Variants in RGS13 observed in about 807,000 individuals in gnomAD.
RGS13 encodes regulator of G protein signaling 13, also known as regulator of G-protein signalling 13.
A neutral mutation model predicts 19.9 loss-of-function variants in RGS13; 14 were observed. The ratio of observed to expected loss-of-function variants is 0.70; its 90% confidence interval spans 0.46 to 1.10. RGS13 has a LOEUF of 1.10. Among genes scored for constraint, RGS13 ranks in the 50% least tolerant of loss-of-function variants. The pLI, the probability that RGS13 is intolerant of heterozygous loss-of-function variation, is 0.00. For missense variants in RGS13, 205 were observed against 187.1 expected, an observed-to-expected ratio of 1.10 and a Z score of -0.56; for synonymous variants, 60 against 56.8, an observed-to-expected ratio of 1.06 and a Z score of -0.25.
intron 5 of RGS13, among the ~76,000 whole-genome samples, chr1:192,657,176 G>A (rs1663457670): frequency 6.6e-6 from 1 of 151,914 alleles, no homozygotes; most frequent in South Asian, 2.1e-4. Context: ...CAGTCTCTAG[G>A]TGGTTATTAC....
chr1:192,653,960 G>T (rs1490742172), intron 5 of RGS13, among the ~76,000 whole-genome samples: 2 of 151,900 alleles, frequency 1.3e-5, no homozygotes, highest in African/African-American at 4.8e-5. Context: ...CATGGGGTGG[G>T]GGGAGCGGGG....
At chr1:192,643,664 T>C (rs1233846666) in intron 3 of RGS13, among the ~76,000 whole-genome samples, 2 of 152,102 alleles carry the variant, frequency 1.3e-5, no homozygotes, top group East Asian at 1.9e-4. Context: ...AACACAAGAA[T>C]TGTGGCTGGG....
At chr1:192,642,399 G>A (rs1332126730) in intron 3 of RGS13, among the ~76,000 whole-genome samples, 1 of 149,098 alleles carries the variant, frequency 6.7e-6, no homozygotes, top group East Asian at 2.0e-4. Flanking sequence ...ACGGCACACT[G>A]CAGCCTCAAC....
chr1:192,654,993 A>G (rs1173299820), intron 5 of RGS13, among the ~76,000 whole-genome samples: 3 of 152,092 alleles, frequency 2.0e-5, no homozygotes, highest in Non-Finnish European at 4.4e-5. Context: ...CATAATGTTC[A>G]GGAATGAGTA....
At chr1:192,651,949 GA>G (rs1357537119) in intron 5 of RGS13, among the ~76,000 whole-genome samples, 5 of 152,066 alleles carry the variant, frequency 3.3e-5, no homozygotes, top group African/African-American at 1.2e-4. Flanking sequence ...TTTAAAATCT[GA>G]AGTTATGATT....
intron 5 of RGS13, among the ~76,000 whole-genome samples, chr1:192,657,684 T>C (rs1571588253): frequency 1.3e-5 from 2 of 152,284 alleles, no homozygotes; most frequent in East Asian, 3.9e-4. Context: ...CTATCTGTGT[T>C]CTGCTCTGAT....
chr1:192,651,015 G>A (rs6666658), intron 5 of RGS13, among the ~76,000 whole-genome samples: 12,055 of 151,960 alleles, frequency 0.079, 927 homozygotes, highest in African/African-American at 0.19. Context: ...TCACAGGGCT[G>A]TGAGACCACT....
rs1425331599 is a variant in RGS13, at chr1:192,641,290, GAAAGAAAGAAAGAAAGA to G, written c.-4-3028_-4-3012del. Among the ~76,000 whole-genome samples, 9 of 110,556 alleles carry G rather than the reference GAAAGAAAGAAAGAAAGA, an allele frequency of 8.1e-5. No homozygotes were observed. In the East Asian group the frequency reaches 3.9e-3, roughly 48 times the overall value. 72.5% of individuals were successfully genotyped at this position (110,556 alleles called of 152,430 possible). ...AGAAAGAAAGAAAGAAAGAAAGAAA[GAAAGAAAGAAAGAAAGA>G]AAAGAAAGAAAGGAGGGAGGGAGGA... On this transcript the variant is annotated intron_variant, in intron 3 of 6. Coordinates refer to ENST00000391995, the MANE Select transcript of RGS13 (RefSeq NM_002927.5).
rs1051875182 is a variant in RGS13 at position 192,659,818 on chromosome 1, A to G, written c.*295A>G. 8 of 223,322 alleles carry G rather than the reference A, an allele frequency of 3.6e-5. No homozygotes were observed. The highest frequency in any genetic ancestry group is 1.8e-4 in the African/African-American group (8 of 43,580). 13.8% of individuals were successfully genotyped at this position (223,322 alleles called of 1,614,324 possible). ...AAGTTTTTACTGTAGTAGTCAATTA[A>G]TGGATATTTCCTTGTTAATAAAATT... On this transcript the variant is annotated 3_prime_UTR_variant, in exon 7 of 7. Coordinates refer to ENST00000391995, the MANE Select transcript of RGS13 (RefSeq NM_002927.5).
intron 5 of RGS13, among the ~76,000 whole-genome samples, chr1:192,653,918 C>T (rs895872265): frequency 6.6e-6 from 1 of 150,460 alleles, no homozygotes; most frequent in African/African-American, 2.5e-5. Flanking sequence ...CAGTTGGACA[C>T]AGGAAGGGGA....
At chr1:192,649,547 A>G (rs74130409) in intron 5 of RGS13, among the ~76,000 whole-genome samples, 1,528 of 152,214 alleles carry the variant, frequency 0.01, 18 homozygotes, top group African/African-American at 0.031. Flanking sequence ...CATGTCTTTG[A>G]ATATCATTCT....
chr1:192,656,975 G>A (rs1663454552), intron 5 of RGS13, among the ~76,000 whole-genome samples: 1 of 151,942 alleles, frequency 6.6e-6, no homozygotes, highest in African/African-American at 2.4e-5. Context: ...CATTCCATCT[G>A]GCTACCATTA....
Position 192,636,871 on chromosome 1 carries a change from G to T in RGS13, c.-116+554G>T, listed in dbSNP as rs569325594. Among the ~76,000 whole-genome samples, 6 of 151,966 alleles carry T rather than the reference G, an allele frequency of 3.9e-5. No homozygotes were observed. The South Asian group carries it at 1.2e-3, about 32-fold the overall frequency. On this transcript the variant is annotated intron_variant, in intron 1 of 6. Coordinates refer to ENST00000391995, the MANE Select transcript of RGS13 (RefSeq NM_002927.5). ...ATTTTTTAAAGGACAAGAAATTTGT[G>T]TGCTGTGGTCAACAAAAGCTCACTA...
rs1023909416 is a variant in RGS13, at chr1:192,647,978, G to T, written c.118G>T (p.Ala40Ser). 6.3e-6 allele frequency: 10 copies of T among 1,594,220 alleles called. No homozygotes were observed. The Admixed American group carries it at 1.0e-4, about 16-fold the overall frequency. The change falls in exon 5 of 7, where the codon GCT becomes TCT. Residue 40 changes from alanine to serine, a missense_variant. Transcript: ENST00000391995. Reference sequence around the variant, plus strand: ...GGCCCAGTCTTTTGAAAATTTAATGGCTACAAAATGTGAGTATTGCGTATC... The same window carrying T: ...GGCCCAGTCTTTTGAAAATTTAATGTCTACAAAATGTGAGTATTGCGTATC... The part of the protein sequence containing the change: ...QWAQSFENLM[A>S]TKYGPVVYAA...
At chr1:192,646,550 G>T (rs1484041542) in intron 4 of RGS13, 1 of 152,112 alleles carries the variant, frequency 6.6e-6, no homozygotes, top group Non-Finnish European at 1.5e-5. Context: ...TGTTACATAG[G>T]TAAATGTCTG....
intron 3 of RGS13, among the ~76,000 whole-genome samples, chr1:192,642,865 G>A (rs530064726): frequency 1.6e-4 from 24 of 151,710 alleles, no homozygotes; most frequent in African/African-American, 5.8e-4. Flanking sequence ...TTTTGTTTTT[G>A]TTTTTTGTTT....
intron 5 of RGS13, among the ~76,000 whole-genome samples, chr1:192,648,726 A>G (rs1663263323): frequency 6.6e-6 from 1 of 152,034 alleles, no homozygotes; most frequent in African/African-American, 2.4e-5. Context: ...TTGCCTATAG[A>G]ACCATCTTTT....
intron 3 of RGS13, among the ~76,000 whole-genome samples, chr1:192,644,125 C>T (rs533488159): frequency 5.9e-5 from 9 of 152,008 alleles, no homozygotes; most frequent in African/African-American, 1.2e-4. Flanking sequence ...AATCTAAGCA[C>T]GTATATTTTT....
In RGS13 at chr1:192,659,848, G is replaced by T; in HGVS notation, c.*325G>T. On this transcript the variant is annotated 3_prime_UTR_variant, in exon 7 of 7. Coordinates refer to ENST00000391995, the MANE Select transcript of RGS13 (RefSeq NM_002927.5). ...TATTTCCTTGTTAATAAAATTTTGT[G>T]TCATAATTTACAAATTAGTTCTTTA... 1 of 197,924 alleles carries T rather than the reference G, an allele frequency of 5.1e-6. No homozygotes were observed. The highest frequency in any genetic ancestry group is 1.0e-5 in the Non-Finnish European group (1 of 99,184). 12.3% of individuals were successfully genotyped at this position (197,924 alleles called of 1,614,324 possible). A position where few individuals can be genotyped will look rare whatever the true frequency, so the allele number is the denominator to read the frequency against.
Sources: allele counts gnomAD v4.1 joint callset (sites outside exome capture counted in the v4.1 genomes callset), GRCh38; gene constraint gnomAD v4.1.1; transcripts MANE v1.5; gene names NCBI Gene and HGNC (gene_info 2026-07-23, HGNC 2026-07-21).